TNR: variants seen among roughly 807,000 people sequenced by gnomAD.
TNR encodes the protein tenascin R, also known as tenascin-R.
TNR carries 45 observed loss-of-function variants against 150.4 expected under a neutral mutation model. The observed-to-expected ratio is 0.30, with a 90% CI of 0.24 to 0.38. The LOEUF (loss-of-function observed/expected upper bound fraction) is 0.38, where lower values mean the gene tolerates loss of function less well. Among genes scored for constraint, TNR ranks in the 10% least tolerant of loss-of-function variants. TNR has a pLI of 1.00. For synonymous variants in TNR, 687 were observed against 678.4 expected, an observed-to-expected ratio of 1.01 and a Z score of -0.20; for missense variants, 1,544 against 1,759.1, an observed-to-expected ratio of 0.88 and a Z score of 2.19.
chr1:175,368,090 C>G (rs1195570657), intron 9 of TNR, among the ~76,000 whole-genome samples: 3 of 152,222 alleles, frequency 2.0e-5, no homozygotes, highest in African/African-American at 7.2e-5. Flanking sequence ...TCCTTGACCT[C>G]TTTCACATTT....
At chr1:175,552,143 T>C (rs1290224786) in intron 1 of TNR, among the ~76,000 whole-genome samples, 1 of 152,212 alleles carries the variant, frequency 6.6e-6, no homozygotes, top group Non-Finnish European at 1.5e-5. Context: ...TATAGTATTG[T>C]TTGACTTTTC....
chr1:175,350,029 A>G (rs976046519), intron 18 of TNR, among the ~76,000 whole-genome samples: 1 of 152,218 alleles, frequency 6.6e-6, no homozygotes, highest in Non-Finnish European at 1.5e-5. Context: ...TTCCTTTCTA[A>G]CTAGAATATC....
At chr1:175,708,832 G>C (rs1666913225) in intron 1 of TNR, among the ~76,000 whole-genome samples, 1 of 152,096 alleles carries the variant, frequency 6.6e-6, no homozygotes, top group Non-Finnish European at 1.5e-5. Context: ...AATTCTACTT[G>C]CATTTTCAAT....
At chr1:175,521,711 G>A (rs1398868294) in intron 2 of TNR, among the ~76,000 whole-genome samples, 1 of 151,756 alleles carries the variant, frequency 6.6e-6, no homozygotes, top group Non-Finnish European at 1.5e-5. Context: ...GGCCTTCCTG[G>A]GTTTGTATCA....
chr1:175,356,660 C>T (rs1011117365), intron 15 of TNR, among the ~76,000 whole-genome samples, 198 bp from the exon 16 acceptor site: 1 of 152,184 alleles, frequency 6.6e-6, no homozygotes, highest in East Asian at 1.9e-4. Context: ...AAAAAGTGTT[C>T]TTTATGTGCA....
At chr1:175,661,257 G>A (rs1422123029) in intron 1 of TNR, among the ~76,000 whole-genome samples, 5 of 152,206 alleles carry the variant, frequency 3.3e-5, no homozygotes, top group African/African-American at 1.2e-4. Context: ...AAGCATCTCA[G>A]GCATTCCAAC....
chr1:175,659,297 G>A (rs901346230), intron 1 of TNR, among the ~76,000 whole-genome samples: 1 of 152,206 alleles, frequency 6.6e-6, no homozygotes, highest in Non-Finnish European at 1.5e-5. Flanking sequence ...GAACCCAACT[G>A]AAATAGATTC....
At chr1:175,635,650 G>T (rs1477563955) in intron 1 of TNR, among the ~76,000 whole-genome samples, 1 of 152,112 alleles carries the variant, frequency 6.6e-6, no homozygotes, top group Non-Finnish European at 1.5e-5. Context: ...ACTCTATAGA[G>T]ACTGAATTCA....
chr1:175,441,110 T>C (rs1377232243), intron 2 of TNR, among the ~76,000 whole-genome samples: 2 of 152,186 alleles, frequency 1.3e-5, no homozygotes, highest in African/African-American at 2.4e-5. Context: ...GTCTTATTCA[T>C]CTCTGTGGCA....
chr1:175,501,034 G>C (rs780675899), intron 2 of TNR, among the ~76,000 whole-genome samples: 1 of 152,156 alleles, frequency 6.6e-6, no homozygotes, highest in Non-Finnish European at 1.5e-5. Context: ...GTGTGGCGAG[G>C]AACCTGTGAA....
At chr1:175,345,726 A>T (rs1474455454) in intron 18 of TNR, among the ~76,000 whole-genome samples, 1 of 152,098 alleles carries the variant, frequency 6.6e-6, no homozygotes, top group Non-Finnish European at 1.5e-5. Flanking sequence ...TCTAGCTAAC[A>T]AAAGTCCTGA....
chr1:175,729,760 C>A (rs77684487), intron 1 of TNR, among the ~76,000 whole-genome samples: 8,122 of 152,120 alleles, frequency 0.053, 304 homozygotes, highest in East Asian at 0.22. Flanking sequence ...TGGGAACTGG[C>A]CTTAGGTTGT....
chr1:175,367,421 C>G lies in TNR; in HGVS notation c.1964-124G>C, dbSNP rs561361891. On this transcript the variant is annotated intron_variant, in intron 9 of 22. Transcript: ENST00000367674. Reference sequence around the variant, plus strand: ...TTGTGTTTAGTCCTCCTTGAATCCTCTCCTAATTTGAACTATTAAGAAATC... The same window carrying G: ...TTGTGTTTAGTCCTCCTTGAATCCTGTCCTAATTTGAACTATTAAGAAATC... 5 of 787,034 alleles carry G rather than the reference C, an allele frequency of 6.4e-6. No homozygotes were observed. In the East Asian group the frequency reaches 8.0e-5, roughly 13 times the overall value. The allele number at this position is 787,034 out of a possible 1,614,324, so 48.8% of individuals were successfully genotyped here.
chr1:175,540,171 C>A (rs1255230964), intron 1 of TNR, among the ~76,000 whole-genome samples: 2 of 152,174 alleles, frequency 1.3e-5, no homozygotes, highest in Non-Finnish European at 2.9e-5. Context: ...CCCTCATCAA[C>A]AAGTCCTTCC....
chr1:175,441,172 C>T (rs1655773051), intron 2 of TNR, among the ~76,000 whole-genome samples: 1 of 152,170 alleles, frequency 6.6e-6, no homozygotes, highest in African/African-American at 2.4e-5. Flanking sequence ...TTGGCATTAA[C>T]ACAGGTTGGT....
At chr1:175,502,531 G>T (rs1464718260) in intron 2 of TNR, among the ~76,000 whole-genome samples, 1 of 152,102 alleles carries the variant, frequency 6.6e-6, no homozygotes, top group Non-Finnish European at 1.5e-5. Flanking sequence ...GGTTGACTGA[G>T]GCCTCAGTTA....
intron 5 of TNR, 100 bp from the exon 6 acceptor site, chr1:175,393,995 C>T (rs567903194): frequency 1.6e-5 from 15 of 941,188 alleles, no homozygotes; most frequent in Admixed American, 7.7e-5. Flanking sequence ...ACGCCATGGG[C>T]GTGGTGGTGT....
intron 2 of TNR, among the ~76,000 whole-genome samples, chr1:175,513,807 G>A (rs1659291057): frequency 6.6e-6 from 1 of 152,160 alleles, no homozygotes; most frequent in African/African-American, 2.4e-5. Flanking sequence ...TGCCTGCTCA[G>A]GGAACCTCTG....
At chr1:175,564,291 G>A (rs78227918) in intron 1 of TNR, among the ~76,000 whole-genome samples, 1 of 151,980 alleles carries the variant, frequency 6.6e-6, no homozygotes, top group Non-Finnish European at 1.5e-5. Context: ...CAGGACGGGC[G>A]GCTGCGAAGT....
Sources: gnomAD v4.1 joint callset for allele counts (sites outside exome capture counted in the v4.1 genomes callset) on GRCh38, gnomAD v4.1.1 for gene constraint, MANE v1.5 for transcripts, NCBI Gene and HGNC (gene_info 2026-07-23, HGNC 2026-07-21) for gene names.